Variants in RP1 observed in about 807,000 individuals in gnomAD.
RP1 encodes the protein RP1 axonemal microtubule associated, also known as oxygen-regulated protein 1.
Under a neutral mutation model 14.8 loss-of-function variants are expected in RP1, and 16 were observed. The ratio of observed to expected loss-of-function variants is 1.08; its 90% CI spans 0.73 to 1.65. The LOEUF (loss-of-function observed/expected upper bound fraction) is 1.65. Ranked by LOEUF, RP1 falls within the 40% of genes most tolerant of loss-of-function variation. The pLI is 0.00. For synonymous variants in RP1, 876 were observed against 883.6 expected, an observed-to-expected ratio of 0.99 and a Z score of 0.15; for missense variants, 2,631 against 2,535.0, an observed-to-expected ratio of 1.04 and a Z score of -0.81.
chr8:54,644,613 C>A (rs527926369), intron 3 of RP1, among the ~76,000 whole-genome samples: 14 of 152,258 alleles, frequency 9.2e-5, no homozygotes, highest in Non-Finnish European at 1.3e-4. Flanking sequence ...TTCAGGCACA[C>A]CCCTGGCCTA....
At chr8:54,681,689 C>T (rs979229969) in intron 12 of RP1, among the ~76,000 whole-genome samples, 4 of 152,016 alleles carry the variant, frequency 2.6e-5, no homozygotes, top group African/African-American at 9.7e-5. Context: ...TCTCCCTCCC[C>T]TGGACCCCCA....
intron 24 of RP1, among the ~76,000 whole-genome samples, chr8:54,798,902 T>A (rs1378971872): frequency 1.3e-5 from 2 of 152,108 alleles, no homozygotes; most frequent in Non-Finnish European, 2.9e-5. Context: ...GTATATGTAA[T>A]GTTAACATAT....
rs569781336 is a variant in RP1 at position 54,601,114 on chromosome 8, G to A, written c.-12-19841G>A. On this transcript the variant is annotated intron_variant, in intron 1 of 22. Coordinates refer to the RP1 transcript ENST00000636932. ...TCGTTTTGCCATTCTGCCTTACAATGTAGGAGTATTGACTTACATGACCTA... is the reference window on the plus strand; with the variant it reads ...TCGTTTTGCCATTCTGCCTTACAATATAGGAGTATTGACTTACATGACCTA... Among the ~76,000 whole-genome samples, 44 of 152,266 alleles carry A rather than the reference G, an allele frequency of 2.9e-4. No individual in the cohort carries two copies. The South Asian group carries it at 5.0e-3, about 17-fold the overall frequency.
Position 54,758,874 on chromosome 8 carries a change from C to T in RP1, c.3094-48C>T, listed in dbSNP as rs769400985. ...ATTATTGCCTGCATTTGTCATGCCT[C>T]GGACTCTAGTTATTTCTGTGGGTTT... On this transcript the variant is annotated intron_variant, in intron 21 of 22. Transcript: ENST00000636932. 19 of 1,524,236 alleles carry T rather than the reference C, an allele frequency of 1.2e-5. No homozygotes were observed. The Admixed American group carries it at 2.6e-4, about 21-fold the overall frequency. The allele number at this position is 1,524,236 out of a possible 1,614,324, so 94.4% of individuals were successfully genotyped here.
rs149849388 is a variant in RP1 at position 54,626,245 on chromosome 8, G to A, written c.2363G>A (p.Gly788Glu). Residue 788 changes from glycine (G) to glutamate (E), a missense_variant, in exon 4 of 4, where the codon GGA becomes GAA. Transcript: ENST00000220676. The stretch of plus-strand genomic sequence containing the variant: ...AGATCACTAAATAAAATAAGCTTAG[G>A]AGCACCTAAAAAAAGAGAAATCGGT... The part of the protein sequence containing the change: ...KSRSLNKISL[G>E]APKKREIGQR... 91 of 1,612,848 alleles carry A rather than the reference G, an allele frequency of 5.6e-5. No homozygotes were observed. Among genetic ancestry groups the A allele is most frequent in the Non-Finnish European group, 7.4e-5 (87 of 1,179,582 alleles).
chr8:54,669,428 G>A (rs1220884356), intron 7 of RP1, among the ~76,000 whole-genome samples: 1 of 152,206 alleles, frequency 6.6e-6, no homozygotes, highest in Admixed American at 6.5e-5. Context: ...CAATGTTGGT[G>A]GGAGTGTAAA....
At chr8:54,850,577 T>C (rs1812037669) in intron 25 of RP1, among the ~76,000 whole-genome samples, 1 of 152,238 alleles carries the variant, frequency 6.6e-6, no homozygotes, top group African/African-American at 2.4e-5. Context: ...AGAAAGGAGC[T>C]GATGCAATCT....
downstream of RP1, among the ~76,000 whole-genome samples, chr8:54,633,667 T>C (rs753003783): frequency 3.3e-5 from 5 of 151,236 alleles, no homozygotes; most frequent in Non-Finnish European, 7.4e-5. Context: ...CTTTTCAAAG[T>C]TGGTGTTCTT....
At chr8:54,706,718 G>A in intron 15 of RP1, 1 of 1,480,566 alleles carries the variant, frequency 6.8e-7, no homozygotes, top group Non-Finnish European at 9.1e-7. Flanking sequence ...GTAGACATGA[G>A]AATAGCACTT....
At chr8:54,603,500 A>C (rs1805347783) in intron 1 of RP1, among the ~76,000 whole-genome samples, 1 of 152,204 alleles carries the variant, frequency 6.6e-6, no homozygotes, top group African/African-American at 2.4e-5. Flanking sequence ...CTTTTGCCTT[A>C]GGATTGACTT....
chr8:54,801,216 T>C (rs1445503068), intron 24 of RP1, among the ~76,000 whole-genome samples: 1 of 152,202 alleles, frequency 6.6e-6, no homozygotes, highest in African/African-American at 2.4e-5. Flanking sequence ...CTTTGGCTCT[T>C]CTGGTTTGTC....
chr8:54,706,588 G>T, exon 15 of RP1: 4 of 1,536,074 alleles, frequency 2.6e-6, no homozygotes, highest in Non-Finnish European at 3.5e-6. Context: ...TCTGGGATTT[G>T]CATGTTTGAA....
chr8:54,706,506 CAGCCTGATGGA>C lies in RP1; in HGVS notation c.2066_2076del (p.Pro689LeufsTer9). The C allele has an allele frequency of 6.5e-7, 1 of 1,535,872 alleles. No individual in the cohort carries two copies. Among genetic ancestry groups the C allele is most frequent in the African/African-American group, 1.4e-5 (1 of 73,154 alleles). On this transcript the variant is annotated frameshift_variant, in exon 15 of 23. Transcript: ENST00000636932. LOFTEE classifies it high-confidence loss of function. ...AAGCCTGTGTCAGGCCCTGTGTCTC[CAGCCTGATGGA>C]AGCTGCACTGGAGTGGGAAGCCAGT... is the stretch of plus-strand genomic sequence containing the variant.
intron 14 of RP1, among the ~76,000 whole-genome samples, chr8:54,703,167 A>G (rs1186805339): frequency 1.3e-5 from 2 of 152,206 alleles, no homozygotes; most frequent in Non-Finnish European, 2.9e-5. Context: ...AATCTTTTCC[A>G]AAAGGTATTC....
intron 15 of RP1, among the ~76,000 whole-genome samples, chr8:54,714,803 C>T (rs536979862): frequency 1.3e-5 from 2 of 152,200 alleles, no homozygotes; most frequent in Non-Finnish European, 2.9e-5. Flanking sequence ...TCAGTGGTGA[C>T]TTTGTTGTAG....
chr8:54,855,848 T>C (rs1214213555), intron 26 of RP1, among the ~76,000 whole-genome samples: 1 of 151,998 alleles, frequency 6.6e-6, no homozygotes, highest in Non-Finnish European at 1.5e-5. Flanking sequence ...AAATATTGAT[T>C]CACCTGTGGA....
downstream of RP1, among the ~76,000 whole-genome samples, chr8:54,774,340 A>C (rs766182799): frequency 5.9e-5 from 9 of 152,222 alleles, no homozygotes; most frequent in Admixed American, 2.6e-4. Context: ...CAGAGGAACC[A>C]TCTTCAGGAT....
chr8:54,791,438 G>A (rs1810464273), intron 24 of RP1, among the ~76,000 whole-genome samples: 1 of 151,898 alleles, frequency 6.6e-6, no homozygotes, highest in Non-Finnish European at 1.5e-5. Context: ...ATAGTCAAAG[G>A]CAGAATTCTC....
At chr8:54,856,743 C>G (rs1812208068) in intron 26 of RP1, among the ~76,000 whole-genome samples, 1 of 152,132 alleles carries the variant, frequency 6.6e-6, no homozygotes, top group African/African-American at 2.4e-5. Flanking sequence ...GGATTATGAG[C>G]TGTTATTATT....
Sources: gnomAD v4.1 joint callset for allele counts (sites outside exome capture counted in the v4.1 genomes callset) on GRCh38, gnomAD v4.1.1 for gene constraint, MANE v1.5 for transcripts, NCBI Gene and HGNC (gene_info 2026-07-23, HGNC 2026-07-21) for gene names.